The following NRXN3 variants were observed in gnomAD, a reference collection of about 807,000 sequenced individuals.
The protein encoded by NRXN3 is neurexin III.
NRXN3 carries 32 observed loss-of-function variants against 137.6 expected under a neutral mutation model. The observed-to-expected ratio is 0.23, with a 90% CI of 0.18 to 0.31. The LOEUF is 0.31. Ranked by LOEUF, NRXN3 falls within the 10% of genes least tolerant of loss-of-function variation. The pLI is 1.00. For synonymous variants in NRXN3, 798 were observed against 784.5 expected (o/e 1.02, Z -0.29); for missense variants, 1,574 against 2,062.5 (o/e 0.76, Z 4.59).
chr14:79,239,374 T>C (rs940085627), intron 15 of NRXN3, among the ~76,000 whole-genome samples: 2 of 151,944 alleles, frequency 1.3e-5, no homozygotes, highest in African/African-American at 4.8e-5. Flanking sequence ...AGAAGATAGA[T>C]TGGGGCCTTT....
intron 15 of NRXN3, among the ~76,000 whole-genome samples, chr14:79,381,261 T>C (rs2094462928): frequency 6.6e-6 from 1 of 151,960 alleles, no homozygotes; most frequent in Non-Finnish European, 1.5e-5. Context: ...TAATATGATA[T>C]GGTGTTCTGT....
At chr14:79,666,067 T>C (rs758836121) in intron 17 of NRXN3, among the ~76,000 whole-genome samples, 2 of 152,230 alleles carry the variant, frequency 1.3e-5, no homozygotes, top group Non-Finnish European at 2.9e-5. Flanking sequence ...AAATATTTGG[T>C]GCCTCTCCCC....
intron 15 of NRXN3, 109 bp downstream of exon 15, chr14:78,988,250 A>G: frequency 3.0e-6 from 4 of 1,336,870 alleles, no homozygotes; most frequent in Non-Finnish European, 4.3e-6. Flanking sequence ...ATTCATAAGT[A>G]ATTCTCTCCT....
At chr14:79,205,193 C>G (rs1214551519) in intron 15 of NRXN3, among the ~76,000 whole-genome samples, 1 of 152,130 alleles carries the variant, frequency 6.6e-6, no homozygotes, top group Admixed American at 6.6e-5. Context: ...TTAGCTGCTG[C>G]TTCGTACTTG....
At chr14:79,750,849 G>C (rs2098995135) in intron 19 of NRXN3, among the ~76,000 whole-genome samples, 1 of 152,082 alleles carries the variant, frequency 6.6e-6, no homozygotes, top group Admixed American at 6.6e-5. Flanking sequence ...AAAGTAAAAT[G>C]TCAGGGTGAC....
intron 20 of NRXN3, among the ~76,000 whole-genome samples, chr14:79,816,330 T>A (rs2099251265): frequency 6.6e-6 from 1 of 152,230 alleles, no homozygotes; most frequent in African/African-American, 2.4e-5. Context: ...TTTGTGGAGC[T>A]TAGCATGACT....
At chr14:78,246,640 T>C (rs1372513898) in intron 2 of NRXN3, among the ~76,000 whole-genome samples, 1 of 152,158 alleles carries the variant, frequency 6.6e-6, no homozygotes, top group Non-Finnish European at 1.5e-5. Context: ...GTCTAATCAA[T>C]CACAAAAATG....
At chr14:78,895,384 CT>C (rs1479817058) in intron 10 of NRXN3, among the ~76,000 whole-genome samples, 9 of 151,926 alleles carry the variant, frequency 5.9e-5, no homozygotes, top group African/African-American at 2.2e-4. Flanking sequence ...TAGCTTTAAA[CT>C]TTTTTCTGCA....
chr14:79,039,999 A>C (rs1387898550), intron 15 of NRXN3, among the ~76,000 whole-genome samples: 1 of 152,072 alleles, frequency 6.6e-6, no homozygotes, highest in Non-Finnish European at 1.5e-5. Flanking sequence ...CCATCTTTTC[A>C]TTATCTTTCT....
intron 4 of NRXN3, among the ~76,000 whole-genome samples, chr14:78,331,309 G>A (rs1433579792): frequency 6.6e-6 from 1 of 152,040 alleles, no homozygotes; most frequent in African/African-American, 2.4e-5. Flanking sequence ...CCTTCTCCCA[G>A]TTTAGCTACT....
chr14:79,079,520 A>C (rs775504764), intron 15 of NRXN3, among the ~76,000 whole-genome samples: 2 of 152,206 alleles, frequency 1.3e-5, no homozygotes, highest in Non-Finnish European at 2.9e-5. Context: ...GGTGATATGG[A>C]GAACTTAAAT....
At chr14:79,008,936 C>A (rs982372674) in intron 15 of NRXN3, among the ~76,000 whole-genome samples, 4 of 152,052 alleles carry the variant, frequency 2.6e-5, no homozygotes, top group Non-Finnish European at 5.9e-5. Context: ...GGATTAAAGA[C>A]GTGAGCCACC....
At chr14:79,615,817 G>C (rs553657389) in intron 16 of NRXN3, among the ~76,000 whole-genome samples, 4 of 152,062 alleles carry the variant, frequency 2.6e-5, no homozygotes, top group Non-Finnish European at 5.9e-5. Flanking sequence ...GGGGATTATG[G>C]GAACTATAGT....
At chr14:78,486,678 T>C (rs2095564862) in intron 4 of NRXN3, among the ~76,000 whole-genome samples, 1 of 152,040 alleles carries the variant, frequency 6.6e-6, no homozygotes, top group Admixed American at 6.6e-5. Context: ...CTAAATCTGG[T>C]TTTTTCCTTG....
intron 4 of NRXN3, among the ~76,000 whole-genome samples, chr14:78,417,115 C>T (rs906511980): frequency 6.6e-6 from 1 of 152,216 alleles, no homozygotes; most frequent in Non-Finnish European, 1.5e-5. Context: ...ACTATGCTGG[C>T]CCCCGGCTTA....
chr14:79,001,677 T>C (rs1452628983), intron 15 of NRXN3, among the ~76,000 whole-genome samples: 1 of 152,200 alleles, frequency 6.6e-6, no homozygotes, highest in African/African-American at 2.4e-5. Context: ...ACTGCATTTA[T>C]ATTCAGTGCT....
chr14:78,499,511 T>A (rs2095846342), intron 4 of NRXN3, among the ~76,000 whole-genome samples: 2 of 152,202 alleles, frequency 1.3e-5, no homozygotes, highest in South Asian at 4.1e-4. Context: ...AATGCTTTAT[T>A]AGTTATCTTT....
intron 15 of NRXN3, among the ~76,000 whole-genome samples, chr14:79,342,788 G>A (rs527533160): frequency 9.2e-5 from 14 of 152,236 alleles, no homozygotes; most frequent in African/African-American, 3.1e-4. Flanking sequence ...CGCCCAATGG[G>A]TTCACCTTGT....
intron 4 of NRXN3, among the ~76,000 whole-genome samples, chr14:78,496,423 A>C (rs2095786546): frequency 6.6e-6 from 1 of 152,188 alleles, no homozygotes; most frequent in African/African-American, 2.4e-5. Context: ...TTCTCTAAGA[A>C]TGGAGAGTTA....
Sources: gnomAD v4.1 joint callset for allele counts (sites outside exome capture counted in the v4.1 genomes callset) on GRCh38, gnomAD v4.1.1 for gene constraint, MANE v1.5 for transcripts, NCBI Gene and HGNC (gene_info 2026-07-23, HGNC 2026-07-21) for gene names.